Variants in VPS13B observed in about 807,000 individuals in gnomAD.
VPS13B encodes the protein intermembrane lipid transfer protein VPS13B.
A neutral mutation model predicts 426.4 loss-of-function variants in VPS13B; 285 were observed. The ratio of observed to expected loss-of-function variants is 0.67; its 90% CI spans 0.61 to 0.74. The LOEUF is 0.74. VPS13B is among the 30% of genes least tolerant of loss of function. VPS13B has a pLI of 0.00. For missense variants in VPS13B, 4,537 were observed against 4,782.6 expected, an observed-to-expected ratio of 0.95 and a Z score of 1.51; for synonymous variants, 1,676 against 1,676.4, an observed-to-expected ratio of 1.00 and a Z score of 0.01.
chr8:99,553,388 T>C, intron 30 of VPS13B, among the ~76,000 whole-genome samples: 1 of 152,288 alleles, frequency 6.6e-6, no homozygotes, highest in African/African-American at 2.4e-5. Flanking sequence ...GGAACATTTA[T>C]CTTTATCGTT....
At chr8:99,470,546 A>G (rs1190823104) in intron 24 of VPS13B, among the ~76,000 whole-genome samples, 1 of 152,166 alleles carries the variant, frequency 6.6e-6, no homozygotes, top group Non-Finnish European at 1.5e-5. Context: ...TGGAGATGAT[A>G]GAAGAAAGAG....
At chr8:99,482,849 A>C (rs1290823378) in intron 25 of VPS13B, among the ~76,000 whole-genome samples, 3 of 152,144 alleles carry the variant, frequency 2.0e-5, no homozygotes, top group African/African-American at 7.2e-5. Context: ...TTGAACCCCT[A>C]ACTCCTAACC....
intron 19 of VPS13B, among the ~76,000 whole-genome samples, chr8:99,343,125 C>T (rs1292023863): frequency 1.3e-5 from 2 of 149,710 alleles, no homozygotes; most frequent in Admixed American, 1.3e-4. Context: ...ACGGGAGTCT[C>T]GCTCTGTCGC....
chr8:99,086,112 T>C (rs1295315309), intron 3 of VPS13B, among the ~76,000 whole-genome samples: 1 of 152,228 alleles, frequency 6.6e-6, no homozygotes, highest in East Asian at 1.9e-4. Flanking sequence ...GACATAGATT[T>C]GGTTTTTTCA....
At chr8:99,545,127 G>C (rs1823901048) in intron 30 of VPS13B, among the ~76,000 whole-genome samples, 1 of 151,850 alleles carries the variant, frequency 6.6e-6, no homozygotes, top group Non-Finnish European at 1.5e-5. Flanking sequence ...TGCCATGTAA[G>C]ACTCATCACT....
At chr8:99,482,739 G>A (rs1349668996) in intron 25 of VPS13B, among the ~76,000 whole-genome samples, 1 of 152,124 alleles carries the variant, frequency 6.6e-6, no homozygotes, top group Admixed American at 6.6e-5. Context: ...AGAAAAAAGT[G>A]TTTAGATTTG....
rs866801422 is a variant in VPS13B at position 99,360,208 on chromosome 8, C to T, written c.2825-24000C>T. Among the ~76,000 whole-genome samples, 59 of 20,570 alleles carry T rather than the reference C, an allele frequency of 2.9e-3. 1 individual carries two copies. Among genetic ancestry groups the T allele is most frequent in the Middle Eastern group, 0.05 (1 of 20 alleles). The allele number at this position is 20,570 out of a possible 152,430, so 13.5% of individuals were successfully genotyped here. A position where few individuals can be genotyped will look rare whatever the true frequency, so the allele number is the denominator to read the frequency against. On this transcript the variant is annotated intron_variant, in intron 19 of 61. Coordinates refer to ENST00000357162, the MANE Select transcript of VPS13B (RefSeq NM_152564.5). ...TTTCTTTCTCTCTCTCTCTCTCTCT[C>T]TCTTTCTTTCTTTCTTTCTTTCTTT... is the stretch of plus-strand genomic sequence containing the variant.
intron 19 of VPS13B, among the ~76,000 whole-genome samples, chr8:99,278,949 G>A (rs768965319): frequency 7.9e-5 from 12 of 152,174 alleles, no homozygotes; most frequent in Non-Finnish European, 1.5e-4. Flanking sequence ...TTATTTTTCA[G>A]GGGAACCATT....
chr8:99,313,459 A>T (rs1431112582), intron 19 of VPS13B, among the ~76,000 whole-genome samples: 2 of 152,230 alleles, frequency 1.3e-5, no homozygotes, highest in African/African-American at 4.8e-5. Context: ...CCTGGGTATC[A>T]GCAGCGGAGG....
intron 3 of VPS13B, among the ~76,000 whole-genome samples, chr8:99,063,513 G>C (rs560907210): frequency 2.6e-5 from 4 of 152,358 alleles, no homozygotes; most frequent in Admixed American, 6.5e-5. Flanking sequence ...CAGCCTGGCA[G>C]GGGGAGGGGT....
intron 35 of VPS13B, among the ~76,000 whole-genome samples, chr8:99,678,620 T>C (rs935765439): frequency 6.6e-6 from 1 of 152,108 alleles, no homozygotes; most frequent in Non-Finnish European, 1.5e-5. Flanking sequence ...TATTGCTCTA[T>C]CAGGAGGCAT....
chr8:99,619,579 T>G (rs557008934), intron 33 of VPS13B, among the ~76,000 whole-genome samples: 1 of 152,288 alleles, frequency 6.6e-6, no homozygotes, highest in African/African-American at 2.4e-5. Flanking sequence ...TGATTAAAAA[T>G]AATGTAGTCT....
chr8:99,721,564 A>T (rs1833135254), intron 39 of VPS13B, among the ~76,000 whole-genome samples: 1 of 150,646 alleles, frequency 6.6e-6, no homozygotes, highest in Non-Finnish European at 1.5e-5. Context: ...GTTGCTTGTT[A>T]TTCCGAGTTT....
intron 19 of VPS13B, among the ~76,000 whole-genome samples, chr8:99,307,286 A>C (rs1422170471): frequency 6.6e-6 from 1 of 152,084 alleles, no homozygotes; most frequent in Non-Finnish European, 1.5e-5. Context: ...CTTTTCAATT[A>C]TATTTTAAAA....
In VPS13B at chr8:99,685,760, T is replaced by C. The variant is rs541938439; in HGVS notation, c.6047-13765T>C. On this transcript the variant is annotated intron_variant, in intron 35 of 61. Coordinates refer to ENST00000357162, the MANE Select transcript of VPS13B (RefSeq NM_152564.5). ...TCTGAATTCCTTCTCTGCATTGTTT[T>C]GAATTTTGCTGAATTTCCTCAAAAG... 1.6e-3 allele frequency among the ~76,000 whole-genome samples: 248 copies of C among 152,364 alleles called. 1 individual carries two copies. The highest frequency in any genetic ancestry group is 5.4e-3 in the African/African-American group (225 of 41,596).
intron 30 of VPS13B, chr8:99,536,878 A>C (rs1388949521): frequency 4.2e-6 from 2 of 473,554 alleles, no homozygotes; most frequent in Non-Finnish European, 8.8e-6. Context: ...AGAATTTTCC[A>C]AAAACTAGGG....
rs1407697387 is a variant in VPS13B at position 99,820,036 on chromosome 8, T to C, written c.8908T>C (p.Ser2970Pro). Residue 2970 changes from serine (S) to proline (P), a missense_variant, in exon 49 of 62, where the codon TCC (serine) becomes CCC (proline). Physicochemically the swap from Ser to Pro is moderately conservative, Grantham distance 74 (BLOSUM62 -1). Transcript: ENST00000357162. ...GCCCTGGGCCCTGCTTATCAATGAA[T>C]CCAAATGGGACCTCTGGCTATTTGA... ...LLPWALLINE[S>P]KWDLWLFEGE... 2 of 1,614,022 alleles carry C rather than the reference T, an allele frequency of 1.2e-6. No individual in the cohort carries two copies. The highest frequency in any genetic ancestry group is 1.7e-6 in the Non-Finnish European group (2 of 1,179,912).
chr8:99,428,587 C>G (rs1251479356), intron 21 of VPS13B, among the ~76,000 whole-genome samples: 1 of 152,144 alleles, frequency 6.6e-6, no homozygotes, highest in East Asian at 1.9e-4. Flanking sequence ...CAGTGAGATA[C>G]CATCTCACAC....
intron 19 of VPS13B, among the ~76,000 whole-genome samples, chr8:99,366,605 T>C (rs1332139419): frequency 6.6e-6 from 1 of 151,904 alleles, no homozygotes; most frequent in Admixed American, 6.6e-5. Context: ...TTCAGTGTTA[T>C]TATTGATAAG....
Sources: gnomAD v4.1 joint callset for allele counts (sites outside exome capture counted in the v4.1 genomes callset) on GRCh38, gnomAD v4.1.1 for gene constraint, MANE v1.5 for transcripts, NCBI Gene and HGNC (gene_info 2026-07-23, HGNC 2026-07-21) for gene names.